Variants in LIMK2 observed in about 807,000 individuals in gnomAD.
LIMK2 encodes LIM domain kinase 2.
A neutral mutation model predicts 75.7 loss-of-function variants in LIMK2; 35 were observed. The ratio of observed to expected loss-of-function variants is 0.46; its 90% confidence interval spans 0.35 to 0.61. LIMK2 has a LOEUF of 0.61. Ranked by LOEUF, LIMK2 falls within the 20% of genes least tolerant of loss-of-function variation. The pLI, the probability that LIMK2 is intolerant of heterozygous loss-of-function variation, is 0.00. For missense variants in LIMK2, 623 were observed against 831.0 expected, an observed-to-expected ratio of 0.75 and a Z score of 3.08; for synonymous variants, 301 against 319.2, an observed-to-expected ratio of 0.94 and a Z score of 0.61.
chr22:31,249,832 G>C (rs765545642), intron 2 of LIMK2, among the ~76,000 whole-genome samples: 44 of 152,314 alleles, frequency 2.9e-4, no homozygotes, highest in Non-Finnish European at 4.7e-4. Flanking sequence ...TGTCTGGACA[G>C]GGGGAAGGGG....
intron 2 of LIMK2, among the ~76,000 whole-genome samples, chr22:31,240,996 T>G (rs558082853): frequency 6.6e-6 from 1 of 152,322 alleles, no homozygotes; most frequent in South Asian, 2.1e-4. Context: ...AGGGTTATTG[T>G]GAGAATAAAA....
intron 2 of LIMK2, among the ~76,000 whole-genome samples, chr22:31,255,335 C>T (rs1169444436): frequency 1.3e-5 from 2 of 152,186 alleles, no homozygotes; most frequent in Non-Finnish European, 1.5e-5. Context: ...TTCCCCTCTG[C>T]CTCCAACCTC....
At chr22:31,242,921 A>AT (rs2048634908) in intron 2 of LIMK2, among the ~76,000 whole-genome samples, 1 of 152,048 alleles carries the variant, frequency 6.6e-6, no homozygotes, top group Non-Finnish European at 1.5e-5. Context: ...TTGCTGGGAC[A>AT]TTTTATTTAT....
At chr22:31,267,125 C>T (rs1489789612) in intron 9 of LIMK2, 55 bp downstream of exon 9, 1 of 985,034 alleles carries the variant, frequency 1.0e-6, no homozygotes, top group Non-Finnish European at 1.6e-6. Context: ...AGAGAGAAGA[C>T]CTTACAAATA....
intron 2 of LIMK2, among the ~76,000 whole-genome samples, chr22:31,235,837 G>T (rs1239290269): frequency 6.6e-6 from 1 of 152,198 alleles, no homozygotes; most frequent in East Asian, 1.9e-4. Context: ...TGTCCTCTGT[G>T]AGTTGAACTA....
In LIMK2 at chr22:31,278,544, C is replaced by G. The variant is rs532285251; in HGVS notation, c.*103C>G. The G allele has an allele frequency of 8.4e-6, 11 of 1,311,468 alleles. No homozygotes were observed. The highest frequency in any genetic ancestry group is 1.5e-5 in the African/African-American group (1 of 67,758). 81.2% of individuals were successfully genotyped at this position (1,311,468 alleles called of 1,614,324 possible). On this transcript the variant is annotated 3_prime_UTR_variant, in exon 16 of 16. Transcript: ENST00000331728. ...GCCGTCCGGGCTTCCTGTGGATTGG[C>G]GGAATGTTTAGAAGCAGAACAAGCC...
At chr22:31,226,599 A>ATATTATTATTAT (rs775194123) in intron 2 of LIMK2, among the ~76,000 whole-genome samples, 2,826 of 140,010 alleles carry the variant, frequency 0.02, no homozygotes, top group Admixed American at 0.052. Flanking sequence ...TATTATAGCT[A>ATATTATTATTAT]CATTATTATT....
chr22:31,222,920 G>A (rs914962436), intron 1 of LIMK2: 1 of 152,094 alleles, frequency 6.6e-6, no homozygotes, highest in African/African-American at 2.4e-5. Context: ...GTGAGGGAGA[G>A]GGGTGCTGTA....
chr22:31,277,187 C>T lies in LIMK2; in HGVS notation c.1773-1110C>T, dbSNP rs199999246. The stretch of plus-strand genomic sequence containing the variant: ...GGTGGCTCCCATAGGACAATCGCTA[C>T]CCCCCGACCTCGTAGCAACAGCAAT... On this transcript the variant is annotated intron_variant, in intron 15 of 15. Transcript: ENST00000331728. The T allele has an allele frequency of 1.9e-5, 31 of 1,610,698 alleles. 1 individual carries two copies. The highest frequency in any genetic ancestry group is 2.5e-5 in the Non-Finnish European group (29 of 1,178,882).
At chr22:31,274,786 T>G (rs1250375498) in intron 14 of LIMK2, among the ~76,000 whole-genome samples, 1 of 152,050 alleles carries the variant, frequency 6.6e-6, no homozygotes, top group Admixed American at 6.5e-5. Flanking sequence ...TGCCAGAGGG[T>G]TTCAGACATG....
chr22:31,254,930 G>C (rs2048762436), intron 2 of LIMK2, among the ~76,000 whole-genome samples: 1 of 151,642 alleles, frequency 6.6e-6, no homozygotes, highest in African/African-American at 2.4e-5. Context: ...CTGCACTCCA[G>C]CCTGGGCGAT....
intron 1 of LIMK2, among the ~76,000 whole-genome samples, chr22:31,217,256 G>A (rs1418677483): frequency 8.2e-6 from 1 of 122,486 alleles, no homozygotes; most frequent in African/African-American, 2.7e-5. Context: ...AAATTAGCCG[G>A]GCATGGGGGC....
At position 31,261,145 on chromosome 22, in the gene LIMK2, GTC is replaced by G. The variant is rs554502572; in HGVS notation, c.552-985_552-984del. 3.4e-3 allele frequency among the ~76,000 whole-genome samples: 511 copies of G among 152,118 alleles called. 4 individuals are homozygous for G. Among genetic ancestry groups the G allele is most frequent in the Non-Finnish European group, 4.4e-3 (300 of 67,990 alleles). On this transcript the variant is annotated intron_variant, in intron 5 of 15. Coordinates refer to ENST00000331728, the MANE Select transcript of LIMK2 (RefSeq NM_005569.4). Reference sequence around the variant, plus strand: ...AACCTGGCCAACATAGCAAGACCCCGTCTCTGTTTTTCTTAATTAAAAGAAAA... The same window carrying G: ...AACCTGGCCAACATAGCAAGACCCCGTCTGTTTTTCTTAATTAAAAGAAAA...
chr22:31,215,190 A>G lies in LIMK2; in HGVS notation c.16+2766A>G, dbSNP rs549151889. Among the ~76,000 whole-genome samples, 51 of 152,308 alleles carry G rather than the reference A, an allele frequency of 3.3e-4. No homozygotes were observed. The South Asian group carries it at 3.9e-3, about 12-fold the overall frequency. The stretch of plus-strand genomic sequence containing the variant: ...TGGTGGTCAGAGTTCATATTTTCCA[A>G]CTTCAAGTTTAGTGCTTCCTCCTCT... On this transcript the variant is annotated intron_variant, in intron 1 of 15. Transcript: ENST00000331728.
intron 2 of LIMK2, among the ~76,000 whole-genome samples, chr22:31,236,635 C>T (rs1039108213): frequency 1.3e-4 from 19 of 151,150 alleles, no homozygotes; most frequent in African/African-American, 4.4e-4. Context: ...AGAAACGAGC[C>T]AGGCGCGTTT....
At chr22:31,253,040 C>T (rs2048741605) in intron 2 of LIMK2, among the ~76,000 whole-genome samples, 1 of 152,174 alleles carries the variant, frequency 6.6e-6, no homozygotes, top group African/African-American at 2.4e-5. Context: ...GGGTTCCATG[C>T]ACTTTGTATC....
chr22:31,256,757 G>A (rs965442387), intron 2 of LIMK2, among the ~76,000 whole-genome samples: 1 of 152,172 alleles, frequency 6.6e-6, no homozygotes, highest in Non-Finnish European at 1.5e-5. Context: ...TAACTAGTAA[G>A]TGGCAGGATC....
intron 1 of LIMK2, 117 bp downstream of exon 1, chr22:31,212,541 C>CG: frequency 9.5e-7 from 1 of 1,050,618 alleles, no homozygotes; most frequent in Non-Finnish European, 1.2e-6. Flanking sequence ...CTCGTGGGTC[C>CG]GAGCTCCTCA....
chr22:31,259,995 G>A lies in LIMK2; in HGVS notation c.469G>A (p.Ala157Thr). The A allele has an allele frequency of 1.2e-6, 2 of 1,611,310 alleles. No homozygotes were observed. Among genetic ancestry groups the A allele is most frequent in the Admixed American group, 1.7e-5 (1 of 59,572 alleles). ...CTCTGTCACGCTCATCTCCATGCCG[G>A]CCACCACTGAAGGCAGGCGGGGCTT... ...PYSVTLISMP[A>T]TTEGRRGFSV... Residue 157 changes from alanine (A) to threonine (T), a missense_variant, in exon 5 of 16, where the codon GCC becomes ACC. Around this residue, in one of 3 missense-constraint regions of LIMK2, gnomAD observed 514 missense variants for 661.3 expected, o/e 0.78. Transcript: ENST00000331728.
Sources: gnomAD v4.1 joint callset for allele counts (sites outside exome capture counted in the v4.1 genomes callset) on GRCh38, gnomAD v4.1.1 for gene constraint, gnomAD v4.1.1 regional missense constraint, MANE v1.5 for transcripts, NCBI Gene and HGNC (gene_info 2026-07-23, HGNC 2026-07-21) for gene names.